DLG2: variants seen among roughly 807,000 people sequenced by gnomAD.
The protein encoded by DLG2 is discs large MAGUK scaffold protein 2.
A neutral mutation model predicts 132.5 loss-of-function variants in DLG2; 45 were observed. The observed-to-expected ratio is 0.34, with a 90% CI of 0.27 to 0.44. The LOEUF is 0.44. Ranked by LOEUF, DLG2 falls within the 20% of genes least tolerant of loss-of-function variation. The pLI is 1.00. For missense variants in DLG2, 1,045 were observed against 1,196.9 expected, an observed-to-expected ratio of 0.87 and a Z score of 1.87; for synonymous variants, 424 against 419.6, an observed-to-expected ratio of 1.01 and a Z score of -0.13.
At chr11:84,796,949 C>T (rs536618675) in intron 6 of DLG2, among the ~76,000 whole-genome samples, 6 of 152,034 alleles carry the variant, frequency 3.9e-5, no homozygotes, top group East Asian at 1.9e-4. Context: ...TGGGTTCAAG[C>T]GATTCTCCTA....
chr11:83,873,666 G>T (rs1443484368), intron 16 of DLG2, among the ~76,000 whole-genome samples: 1 of 152,176 alleles, frequency 6.6e-6, no homozygotes, highest in African/African-American at 2.4e-5. Context: ...CAGGTGATTG[G>T]TAGATAAATA....
intron 14 of DLG2, among the ~76,000 whole-genome samples, chr11:83,962,673 T>C (rs2089160993): frequency 6.6e-6 from 1 of 152,044 alleles, no homozygotes; most frequent in Admixed American, 6.6e-5. Flanking sequence ...TGTATAAGTG[T>C]ATCTTACTAT....
chr11:83,605,460 G>C (rs528297179), intron 19 of DLG2, among the ~76,000 whole-genome samples: 1 of 152,184 alleles, frequency 6.6e-6, no homozygotes, highest in Non-Finnish European at 1.5e-5. Context: ...AGTGGGACCA[G>C]GGAAATAACT....
chr11:85,152,238 T>C (rs1215497021), intron 5 of DLG2, among the ~76,000 whole-genome samples: 1 of 150,652 alleles, frequency 6.6e-6, no homozygotes, highest in African/African-American at 2.5e-5. Flanking sequence ...AGTTATTTAT[T>C]TATTAATTTT....
At chr11:84,706,418 T>C (rs1204903894) in intron 6 of DLG2, among the ~76,000 whole-genome samples, 1 of 151,790 alleles carries the variant, frequency 6.6e-6, no homozygotes, top group Non-Finnish European at 1.5e-5. Context: ...ACTTTAGACA[T>C]ACTGTATAAA....
rs2088763417 is a variant in DLG2 at position 83,455,293 on chromosome 11, G to A, written c.*4525C>T. On this transcript the variant is annotated 3_prime_UTR_variant, in exon 28 of 28. Transcript: ENST00000376104. ...CTGTAAACTCCAGCCTAGGCAAGGA[G>A]TATTCCCACCTCCCTCCCATCCTGT... 1 of 152,646 alleles carries A rather than the reference G, an allele frequency of 6.6e-6. No individual in the cohort carries two copies. The allele number at this position is 152,646 out of a possible 1,614,324, so 9.5% of individuals were successfully genotyped here.
At chr11:85,507,426 C>A (rs2093960331) in intron 3 of DLG2, among the ~76,000 whole-genome samples, 1 of 152,142 alleles carries the variant, frequency 6.6e-6, no homozygotes, top group Non-Finnish European at 1.5e-5. Flanking sequence ...AATCTCTCAG[C>A]ATTTGCTTGT....
chr11:83,743,432 T>TA, intron 18 of DLG2, among the ~76,000 whole-genome samples: 1 of 125,864 alleles, frequency 7.9e-6, no homozygotes, highest in South Asian at 2.8e-4. Context: ...GCAGGCCATT[T>TA]TTTTTTTTTT....
At chr11:84,964,150 A>G (rs1423005329) in intron 6 of DLG2, among the ~76,000 whole-genome samples, 1 of 152,120 alleles carries the variant, frequency 6.6e-6, no homozygotes, top group African/African-American at 2.4e-5. Context: ...AGATCAGTGT[A>G]TAATATATTT....
chr11:83,865,144 G>C (rs527503030), intron 16 of DLG2, among the ~76,000 whole-genome samples: 1 of 152,252 alleles, frequency 6.6e-6, no homozygotes, highest in East Asian at 1.9e-4. Flanking sequence ...ATAAAGACAA[G>C]ACGGAAAAGG....
At chr11:84,902,705 T>C (rs1177685324) in intron 6 of DLG2, among the ~76,000 whole-genome samples, 1 of 152,190 alleles carries the variant, frequency 6.6e-6, no homozygotes, top group East Asian at 1.9e-4. Flanking sequence ...CAGACTGGCA[T>C]GTATAGCTGT....
At chr11:84,207,977 A>G (rs2096696639) in intron 8 of DLG2, among the ~76,000 whole-genome samples, 1 of 152,196 alleles carries the variant, frequency 6.6e-6, no homozygotes, top group Non-Finnish European at 1.5e-5. Flanking sequence ...GGCTCACCTG[A>G]GTAACTTTAG....
At chr11:84,241,490 G>T (rs777290083) in intron 8 of DLG2, among the ~76,000 whole-genome samples, 26 of 152,068 alleles carry the variant, frequency 1.7e-4, no homozygotes, top group Non-Finnish European at 3.5e-4. Context: ...GATAAGCAAG[G>T]CGTGTTTAAC....
At chr11:84,511,830 T>G (rs1041239155) in intron 7 of DLG2, among the ~76,000 whole-genome samples, 1 of 152,156 alleles carries the variant, frequency 6.6e-6, no homozygotes, top group African/African-American at 2.4e-5. Flanking sequence ...TGCTTGGAGC[T>G]TCTGATTCAA....
intron 3 of DLG2, among the ~76,000 whole-genome samples, chr11:85,366,980 AT>A (rs2084607772): frequency 6.6e-6 from 1 of 152,084 alleles, no homozygotes; most frequent in South Asian, 2.1e-4. Context: ...TAATTTTCAC[AT>A]TTTTTATAGT....
At chr11:85,144,258 C>A (rs1223617242) in intron 5 of DLG2, among the ~76,000 whole-genome samples, 1 of 150,618 alleles carries the variant, frequency 6.6e-6, no homozygotes. Flanking sequence ...CCTGCTCTTT[C>A]TTAGTTTACA....
intron 14 of DLG2, among the ~76,000 whole-genome samples, chr11:83,936,489 T>C (rs550313059): frequency 6.6e-6 from 1 of 152,328 alleles, no homozygotes; most frequent in South Asian, 2.1e-4. Context: ...TAATTTGTTA[T>C]TAATAATAGT....
At chr11:85,523,063 A>C (rs2153181171) in intron 3 of DLG2, among the ~76,000 whole-genome samples, 1 of 152,280 alleles carries the variant, frequency 6.6e-6, no homozygotes, top group African/African-American at 2.4e-5. Context: ...TTGAATTACA[A>C]TCCCAATTAT....
chr11:85,166,067 C>T (rs1245975768), intron 4 of DLG2, among the ~76,000 whole-genome samples: 1 of 152,100 alleles, frequency 6.6e-6, no homozygotes, highest in Non-Finnish European at 1.5e-5. Context: ...TTCTGACTTT[C>T]TATACTCCTC....
Sources: gnomAD v4.1 joint callset for allele counts (sites outside exome capture counted in the v4.1 genomes callset) on GRCh38, gnomAD v4.1.1 for gene constraint, MANE v1.5 for transcripts, NCBI Gene and HGNC (gene_info 2026-07-23, HGNC 2026-07-21) for gene names.